The following AKR1C3 variants were observed in gnomAD, a reference collection of about 807,000 sequenced individuals.
The protein encoded by AKR1C3 is aldo-keto reductase family 1 member C3.
Under a neutral mutation model 43.6 loss-of-function variants are expected in AKR1C3, and 48 were observed. That is an observed-to-expected ratio of 1.10 (90% CI 0.87 to 1.40). The LOEUF is 1.40. Among genes scored for constraint, AKR1C3 ranks in the 40% most tolerant of loss-of-function variants. The probability of loss-of-function intolerance (pLI) is 0.00; values close to 1 mark genes in which losing one functional copy is unlikely to be tolerated. For missense variants in AKR1C3, 482 were observed against 391.2 expected (o/e 1.23, Z -1.96); for synonymous variants, 162 against 139.6 (o/e 1.16, Z -1.13).
intron 1 of AKR1C3, among the ~76,000 whole-genome samples, chr10:5,051,677 GA>G (rs1838157153): frequency 6.6e-6 from 1 of 152,154 alleles, no homozygotes; most frequent in African/African-American, 2.4e-5. Flanking sequence ...TATTAACATG[GA>G]GGACTTTGCG....
chr10:5,075,929 G>C (rs549491111), intron 1 of AKR1C3, among the ~76,000 whole-genome samples: 2 of 151,290 alleles, frequency 1.3e-5, no homozygotes, highest in South Asian at 4.2e-4. Flanking sequence ...TGTATTACTA[G>C]GGGGGCTCTA....
chr10:5,074,328 T>C (rs187600022), intron 1 of AKR1C3, among the ~76,000 whole-genome samples: 24 of 152,312 alleles, frequency 1.6e-4, no homozygotes, highest in Admixed American at 5.9e-4. Flanking sequence ...TCTCAGATTT[T>C]GGGGGTCCAT....
chr10:5,083,900 A>C (rs1439959935), intron 1 of AKR1C3, among the ~76,000 whole-genome samples: 5 of 152,040 alleles, frequency 3.3e-5, no homozygotes, highest in Non-Finnish European at 7.4e-5. Flanking sequence ...CTGTTCATAT[A>C]CTTTGCCCAC....
intron 1 of AKR1C3, among the ~76,000 whole-genome samples, chr10:5,051,610 A>G (rs1429118955): frequency 6.6e-6 from 1 of 152,182 alleles, no homozygotes; most frequent in East Asian, 1.9e-4. Flanking sequence ...CATATCACGC[A>G]TTATTCTTTC....
At chr10:5,094,217 ATATAT>A (rs72550798), upstream of AKR1C3, 733 of 350,092 alleles carry the variant, frequency 2.1e-3, 13 homozygotes, top group African/African-American at 0.014. Flanking sequence ...TATTATAACC[ATATAT>A]TATAATAATT....
intron 1 of AKR1C3, among the ~76,000 whole-genome samples, chr10:5,087,099 A>T (rs1838983339): frequency 6.6e-6 from 1 of 152,048 alleles, no homozygotes; most frequent in Non-Finnish European, 1.5e-5. Context: ...TGTGAATTTG[A>T]TCCTGTCATT....
chr10:5,083,647 C>T lies in AKR1C3; in HGVS notation c.85-12763C>T, dbSNP rs1399778501. ...TTCTAGTTCTAGATCCCTGAGCAAT[C>T]GCCACACTGACTTCCACAATGGTTG... On this transcript the variant is annotated intron_variant, in intron 1 of 8. Coordinates refer to the AKR1C3 transcript ENST00000439082. Among the ~76,000 whole-genome samples the T allele has an allele frequency of 9.9e-5, 15 of 152,272 alleles. No homozygotes were observed. The East Asian group carries it at 1.2e-3, about 12-fold the overall frequency.
At chr10:5,073,791 C>T (rs1395316150) in intron 1 of AKR1C3, among the ~76,000 whole-genome samples, 1 of 152,166 alleles carries the variant, frequency 6.6e-6, no homozygotes, top group Non-Finnish European at 1.5e-5. Flanking sequence ...GTTAGTAATT[C>T]TTCCTCCTTG....
chr10:5,054,595 G>GT (rs1352354006), intron 1 of AKR1C3, among the ~76,000 whole-genome samples: 4 of 152,150 alleles, frequency 2.6e-5, no homozygotes, highest in East Asian at 3.8e-4. Flanking sequence ...GGGATACACT[G>GT]TTTTTTTCTT....
chr10:5,105,717 G>GAGAAGGCTA (rs1839484452), intron 8 of AKR1C3, 40 bp downstream of exon 8: 1 of 1,515,414 alleles, frequency 6.6e-7, no homozygotes. Flanking sequence ...ATTTATTTCT[G>GAGAAGGCTA]GAGAAGGAAT....
In AKR1C3 at chr10:5,105,724, G is replaced by A. The variant is rs200725360; in HGVS notation, c.929+47G>A. On this transcript the variant is annotated intron_variant, in intron 8 of 8. Coordinates refer to ENST00000380554, the MANE Select transcript of AKR1C3 (RefSeq NM_003739.6). The stretch of plus-strand genomic sequence containing the variant: ...GTGATCTAATTTATTTCTGGAGAAG[G>A]AATGTAGGATGGGTGTTGAGAGTGA... 43 of 1,472,390 alleles carry A rather than the reference G, an allele frequency of 2.9e-5. No individual in the cohort carries two copies. The African/African-American group carries it at 5.5e-4, about 19-fold the overall frequency. The allele number at this position is 1,472,390 out of a possible 1,614,324, so 91.2% of individuals were successfully genotyped here.
intron 1 of AKR1C3, among the ~76,000 whole-genome samples, chr10:5,076,362 C>T (rs189747725): frequency 6.6e-5 from 10 of 152,086 alleles, no homozygotes; most frequent in Admixed American, 1.3e-4. Context: ...AGTTAGTTAT[C>T]GGAGATTGAA....
chr10:5,048,785 C>T (rs573411363), upstream of AKR1C3: 960 of 1,606,100 alleles, frequency 6.0e-4, 11 homozygotes, highest in South Asian at 7.7e-3. Flanking sequence ...AAGAAAGAAA[C>T]ATTTGCTAGC....
chr10:5,072,186 T>C (rs1838624935), intron 1 of AKR1C3, among the ~76,000 whole-genome samples: 1 of 152,184 alleles, frequency 6.6e-6, no homozygotes, highest in Non-Finnish European at 1.5e-5. Context: ...TACAAATGTG[T>C]TTAATTTATG....
chr10:5,085,590 T>G (rs551125896), intron 1 of AKR1C3, among the ~76,000 whole-genome samples: 2 of 151,806 alleles, frequency 1.3e-5, no homozygotes, highest in East Asian at 3.9e-4. Context: ...CTGGCCTCAT[T>G]AAATGAGTTA....
upstream of AKR1C3, among the ~76,000 whole-genome samples, chr10:5,093,117 C>A (rs1371514036): frequency 1.3e-5 from 2 of 152,012 alleles, no homozygotes; most frequent in Non-Finnish European, 2.9e-5. Context: ...AAAATTCACA[C>A]CCCAGCTTCC....
intron 5 of AKR1C3, among the ~76,000 whole-genome samples, chr10:5,101,290 C>A (rs1839341647): frequency 6.6e-6 from 1 of 152,140 alleles, no homozygotes; most frequent in Non-Finnish European, 1.5e-5. Flanking sequence ...ATTGTGTAAA[C>A]ATCACTAATA....
intron 7 of AKR1C3, among the ~76,000 whole-genome samples, chr10:5,103,003 C>T (rs587662522): frequency 6.6e-6 from 1 of 151,492 alleles, no homozygotes; most frequent in African/African-American, 2.4e-5. Flanking sequence ...GATTCTCCTG[C>T]CTCAGCCTCC....
intron 1 of AKR1C3, among the ~76,000 whole-genome samples, chr10:5,077,072 C>T (rs965915001): frequency 2.0e-5 from 3 of 152,202 alleles, no homozygotes; most frequent in Admixed American, 6.5e-5. Flanking sequence ...TAGCCATTTC[C>T]CTGGTTAAAC....
Sources: allele counts gnomAD v4.1 joint callset (sites outside exome capture counted in the v4.1 genomes callset), GRCh38; gene constraint gnomAD v4.1.1; transcripts MANE v1.5; gene names NCBI Gene and HGNC (gene_info 2026-07-23, HGNC 2026-07-21).